The following MARCHF3 variants were observed in gnomAD, a reference collection of about 807,000 sequenced individuals.
The protein encoded by MARCHF3 is E3 ubiquitin-protein ligase MARCHF3.
Under a neutral mutation model 24.2 loss-of-function variants are expected in MARCHF3, and 13 were observed. The ratio of observed to expected loss-of-function variants is 0.54; its 90% confidence interval spans 0.35 to 0.85. The LOEUF (loss-of-function observed/expected upper bound fraction) is 0.85, where lower values mean the gene tolerates loss of function less well. Among genes scored for constraint, MARCHF3 ranks in the 40% least tolerant of loss-of-function variants. The pLI, the probability that MARCHF3 is intolerant of heterozygous loss-of-function variation, is 0.01. For missense variants in MARCHF3, 276 were observed against 325.0 expected, an observed-to-expected ratio of 0.85 and a Z score of 1.16; for synonymous variants, 144 against 137.3, an observed-to-expected ratio of 1.05 and a Z score of -0.34.
intron 1 of MARCHF3, among the ~76,000 whole-genome samples, chr5:126,987,224 C>T (rs1751596374): frequency 6.6e-6 from 1 of 152,230 alleles, no homozygotes; most frequent in South Asian, 2.1e-4. Context: ...TATAAAGTTT[C>T]AGTCAAACAA....
chr5:126,880,020 A>G (rs1447681836), intron 3 of MARCHF3, among the ~76,000 whole-genome samples: 3 of 151,766 alleles, frequency 2.0e-5, no homozygotes, highest in African/African-American at 4.8e-5. Context: ...GAGAAGGGCC[A>G]TGATGGGTGA....
In MARCHF3 at chr5:127,002,206, C is replaced by T. The variant is rs542569887; in HGVS notation, c.-57+28144G>A. On this transcript the variant is annotated intron_variant, in intron 1 of 4. Transcript: ENST00000308660. ...AAACCAGTTAAGAATTCCAGCCAAA[C>T]AGCAAGGCCTTGAAGGGAAAAGATC... Among the ~76,000 whole-genome samples, 4 of 152,336 alleles carry T rather than the reference C, an allele frequency of 2.6e-5. No homozygotes were observed. In the South Asian group the frequency reaches 8.3e-4, roughly 32 times the overall value.
Position 126,881,379 on chromosome 5 carries a change from T to A in MARCHF3, c.394-2985A>T, listed in dbSNP as rs190859922. On this transcript the variant is annotated intron_variant, in intron 3 of 4. Coordinates refer to ENST00000308660, the MANE Select transcript of MARCHF3 (RefSeq NM_178450.5). ...GATCAGTAGCAATCATCCATCCTCA[T>A]TGAGGAAAAGAAAAAAGTACCCTTG... is the stretch of plus-strand genomic sequence containing the variant. Among the ~76,000 whole-genome samples the A allele has an allele frequency of 1.9e-3, 287 of 152,234 alleles. 3 individuals are homozygous for A. Among genetic ancestry groups the A allele is most frequent in the Non-Finnish European group, 2.4e-3 (166 of 68,018 alleles).
At chr5:126,987,059 T>C (rs915139237) in intron 1 of MARCHF3, among the ~76,000 whole-genome samples, 1 of 152,212 alleles carries the variant, frequency 6.6e-6, no homozygotes, top group South Asian at 2.1e-4. Context: ...GTTACAATCA[T>C]CTGAATTTAA....
intron 4 of MARCHF3, among the ~76,000 whole-genome samples, chr5:126,877,645 T>C (rs1419506087): frequency 6.6e-6 from 1 of 152,218 alleles, no homozygotes; most frequent in African/African-American, 2.4e-5. Context: ...AGTGCTTTTA[T>C]GGGCAGCAGA....
intron 1 of MARCHF3, among the ~76,000 whole-genome samples, chr5:127,004,234 C>T (rs1468988785): frequency 6.6e-6 from 1 of 152,132 alleles, no homozygotes; most frequent in African/African-American, 2.4e-5. Flanking sequence ...ATGATCTGCT[C>T]CCTATAAATA....
chr5:127,022,372 G>A (rs1323667915), intron 1 of MARCHF3, among the ~76,000 whole-genome samples: 1 of 152,200 alleles, frequency 6.6e-6, no homozygotes, highest in African/African-American at 2.4e-5. Flanking sequence ...AAAAGATGGG[G>A]AAAGAGAATA....
At chr5:126,974,534 T>C (rs780072910) in intron 1 of MARCHF3, among the ~76,000 whole-genome samples, 8 of 152,366 alleles carry the variant, frequency 5.3e-5, no homozygotes, top group Non-Finnish European at 1.0e-4. Flanking sequence ...CCTTGTATTT[T>C]GTTCAAAACT....
intron 3 of MARCHF3, among the ~76,000 whole-genome samples, chr5:126,900,757 A>G (rs1413347443): frequency 6.7e-6 from 1 of 149,288 alleles, no homozygotes; most frequent in Non-Finnish European, 1.5e-5. Context: ...GCTGGACTGC[A>G]GTGGCATGAT....
intron 1 of MARCHF3, among the ~76,000 whole-genome samples, chr5:126,963,566 A>C (rs544068452): frequency 3.5e-4 from 54 of 152,322 alleles, no homozygotes; most frequent in African/African-American, 1.3e-3. Context: ...TTTGCTACAG[A>C]GATTTATTTA....
chr5:126,976,529 AG>A (rs1250063851), intron 1 of MARCHF3, among the ~76,000 whole-genome samples: 5 of 152,188 alleles, frequency 3.3e-5, no homozygotes, highest in Non-Finnish European at 5.9e-5. Context: ...GGTTTCCAAA[AG>A]CTGAGCCTCT....
chr5:126,987,771 A>G (rs1751615227), intron 1 of MARCHF3, among the ~76,000 whole-genome samples: 1 of 152,204 alleles, frequency 6.6e-6, no homozygotes, highest in Admixed American at 6.5e-5. Flanking sequence ...CGGGTGGAGA[A>G]GAGAGAAGTG....
chr5:127,014,278 C>A (rs1307267869), intron 1 of MARCHF3, among the ~76,000 whole-genome samples: 1 of 152,094 alleles, frequency 6.6e-6, no homozygotes, highest in Admixed American at 6.6e-5. Flanking sequence ...TAGAGAAATG[C>A]AAATAAAAAC....
chr5:127,013,353 C>T (rs1752529532), intron 1 of MARCHF3, among the ~76,000 whole-genome samples: 1 of 152,154 alleles, frequency 6.6e-6, no homozygotes, highest in Non-Finnish European at 1.5e-5. Context: ...AGAAAAGCTT[C>T]CGTTAAGACA....
chr5:126,994,148 C>T (rs1254606082), intron 1 of MARCHF3, among the ~76,000 whole-genome samples: 1 of 152,212 alleles, frequency 6.6e-6, no homozygotes, highest in African/African-American at 2.4e-5. Flanking sequence ...GGGTAAACTG[C>T]ACAGCCACAC....
rs186558973 is a variant in MARCHF3, at chr5:126,870,328, G to A, written c.*305C>T. 33 of 216,702 alleles carry A rather than the reference G, an allele frequency of 1.5e-4. No individual in the cohort carries two copies. The highest frequency in any genetic ancestry group is 2.6e-4 in the Non-Finnish European group (28 of 107,794). 13.4% of individuals were successfully genotyped at this position (216,702 alleles called of 1,614,324 possible). A position where few individuals can be genotyped will look rare whatever the true frequency, so the allele number is the denominator to read the frequency against. On this transcript the variant is annotated 3_prime_UTR_variant, in exon 5 of 5. Coordinates refer to ENST00000308660, the MANE Select transcript of MARCHF3 (RefSeq NM_178450.5). ...AAAAAGGAAGAATTGAATTGCATCC[G>A]TAGCAGGACAACCTTCCTCATACGT...
chr5:126,952,924 T>C (rs1034387951), intron 1 of MARCHF3, among the ~76,000 whole-genome samples: 1 of 152,152 alleles, frequency 6.6e-6, no homozygotes, highest in African/African-American at 2.4e-5. Context: ...CAAAGAACAT[T>C]TCAATATTAT....
chr5:126,986,068 A>G (rs1751554877), intron 1 of MARCHF3, among the ~76,000 whole-genome samples: 1 of 152,240 alleles, frequency 6.6e-6, no homozygotes, highest in Non-Finnish European at 1.5e-5. Flanking sequence ...AAATATGTTC[A>G]TTGTCAAATA....
chr5:127,002,587 T>G (rs1752164764), intron 1 of MARCHF3, among the ~76,000 whole-genome samples: 1 of 152,260 alleles, frequency 6.6e-6, no homozygotes, highest in Admixed American at 6.5e-5. Flanking sequence ...GTATGTTTTC[T>G]GCATTGATTT....
Sources: gnomAD v4.1 joint callset for allele counts (sites outside exome capture counted in the v4.1 genomes callset) on GRCh38, gnomAD v4.1.1 for gene constraint, MANE v1.5 for transcripts, NCBI Gene and HGNC (gene_info 2026-07-23, HGNC 2026-07-21) for gene names.